The following LAMA3 variants were observed in gnomAD, a reference collection of about 807,000 sequenced individuals.
LAMA3 encodes laminin subunit alpha 3.
Under a neutral mutation model 402.0 loss-of-function variants are expected in LAMA3, and 281 were observed. That is an observed-to-expected ratio of 0.70 (90% CI 0.63 to 0.77). The LOEUF (loss-of-function observed/expected upper bound fraction) is 0.77. Ranked by LOEUF, LAMA3 falls within the 30% of genes least tolerant of loss-of-function variation. The probability of loss-of-function intolerance (pLI) is 0.00; values close to 1 mark genes in which losing one functional copy is unlikely to be tolerated. For synonymous variants in LAMA3, 1,431 were observed against 1,558.4 expected (o/e 0.92, Z 1.93); for missense variants, 3,840 against 4,215.5 (o/e 0.91, Z 2.47).
At chr18:23,880,953 C>A (rs2064876208) in intron 39 of LAMA3, among the ~76,000 whole-genome samples, 1 of 152,164 alleles carries the variant, frequency 6.6e-6, no homozygotes, top group Non-Finnish European at 1.5e-5. Context: ...AACACCTCTG[C>A]ATACAGAAGT....
chr18:23,698,223 T>G (rs1222135015), intron 1 of LAMA3, among the ~76,000 whole-genome samples: 1 of 147,610 alleles, frequency 6.8e-6, no homozygotes, highest in East Asian at 2.0e-4. Context: ...TTTTTTTTTT[T>G]TGAGACGGAG....
intron 39 of LAMA3, among the ~76,000 whole-genome samples, chr18:23,880,420 A>G (rs1263412092): frequency 6.6e-6 from 1 of 152,176 alleles, no homozygotes; most frequent in Non-Finnish European, 1.5e-5. Context: ...GTTTTGTGTA[A>G]TTTTCAGTTA....
chr18:23,770,195 A>G (rs2062164475), intron 8 of LAMA3, among the ~76,000 whole-genome samples: 1 of 152,118 alleles, frequency 6.6e-6, no homozygotes, highest in South Asian at 2.1e-4. Context: ...ACTAGACAAA[A>G]ACATCAACAA....
rs762861196 is a variant in LAMA3, at chr18:23,928,138, G to A, written c.8193G>A (p.Thr2731=). ...TCGTAATCAGATTTAACATTTCTAC[G>A]CCTGCTTTCCGAGGCTGCATGAAAA... ...IAIRERFNIS[T]PAFRGCMKNL... The change falls in exon 63 of 75, where the codon ACG becomes ACA. Residue 2731 remains threonine (T), a synonymous_variant. Coordinates refer to ENST00000313654, the MANE Select transcript of LAMA3 (RefSeq NM_198129.4). The A allele has an allele frequency of 9.3e-6, 15 of 1,612,304 alleles. No homozygotes were observed. The highest frequency in any genetic ancestry group is 3.3e-5 in the South Asian group (3 of 91,036).
intron 1 of LAMA3, among the ~76,000 whole-genome samples, chr18:23,698,406 C>T (rs1255359301): frequency 6.6e-6 from 1 of 152,050 alleles, no homozygotes; most frequent in Non-Finnish European, 1.5e-5. Flanking sequence ...GGGGTTTCAC[C>T]GTGTTAGACA....
At chr18:23,837,792 T>C (rs1027890743) in intron 25 of LAMA3, among the ~76,000 whole-genome samples, 4 of 151,902 alleles carry the variant, frequency 2.6e-5, no homozygotes, top group Non-Finnish European at 4.4e-5. Flanking sequence ...CTGTTACTGC[T>C]GATACTACGC....
intron 12 of LAMA3, among the ~76,000 whole-genome samples, chr18:23,809,141 T>G (rs1341690636): frequency 2.0e-5 from 3 of 152,200 alleles, no homozygotes; most frequent in Admixed American, 6.5e-5. Context: ...TCCTGAGCAT[T>G]TCGGCTGTGC....
chr18:23,871,823 A>T (rs1044850430), intron 38 of LAMA3, among the ~76,000 whole-genome samples, 162 bp downstream of exon 38: 4 of 152,238 alleles, frequency 2.6e-5, no homozygotes, highest in Non-Finnish European at 5.9e-5. Flanking sequence ...CCCTTCAGGA[A>T]TTAAGTGTGA....
chr18:23,934,048 G>A, intron 67 of LAMA3, 113 bp downstream of exon 67: 3 of 985,608 alleles, frequency 3.0e-6, no homozygotes, highest in Non-Finnish European at 3.2e-6. Flanking sequence ...CATAAAGTGG[G>A]ATTGATGCAT....
chr18:23,941,022 A>G (rs1599155574), intron 68 of LAMA3, among the ~76,000 whole-genome samples: 1 of 141,576 alleles, frequency 7.1e-6, no homozygotes, highest in Admixed American at 7.3e-5. Flanking sequence ...TGCAACTTCC[A>G]CCTCCTGGGT....
chr18:23,945,285 G>T (rs560614353), intron 69 of LAMA3, among the ~76,000 whole-genome samples: 1 of 152,240 alleles, frequency 6.6e-6, no homozygotes, highest in Non-Finnish European at 1.5e-5. Context: ...GGGGAGGTCG[G>T]GAGAAGTGAC....
chr18:23,795,770 G>A (rs751042456), intron 12 of LAMA3, among the ~76,000 whole-genome samples: 6 of 151,204 alleles, frequency 4.0e-5, no homozygotes, highest in Admixed American at 2.0e-4. Context: ...TATTGGCTTC[G>A]TTCTTAGGCC....
At chr18:23,787,583 A>G (rs1395532582) in intron 12 of LAMA3, among the ~76,000 whole-genome samples, 2 of 152,236 alleles carry the variant, frequency 1.3e-5, no homozygotes, top group Non-Finnish European at 2.9e-5. Context: ...AGGAAAAAAA[A>G]GACTCATTAT....
intron 12 of LAMA3, among the ~76,000 whole-genome samples, chr18:23,808,039 G>A (rs17259445): frequency 0.057 from 8,615 of 152,198 alleles, 538 homozygotes; most frequent in Admixed American, 0.18. Context: ...CATTAGACAC[G>A]CTTTATATGG....
rs767787325 is a variant in LAMA3, at chr18:23,775,869, G to A, written c.1351G>A (p.Gly451Arg). 10 of 1,613,914 alleles carry A rather than the reference G, an allele frequency of 6.2e-6. No individual in the cohort carries two copies. Among genetic ancestry groups the A allele is most frequent in the Admixed American group, 5.0e-5 (3 of 59,986 alleles). The stretch of plus-strand genomic sequence containing the variant: ...CTGTCACTGCAAGCCAAATTTCCAC[G>A]GAGACAACTGTGAGAAGTGTGCAAT... Reference protein sequence around the residue: ...GRCHCKPNFHGDNCEKCAIGY... With the variant: ...GRCHCKPNFHRDNCEKCAIGY... Residue 451 changes from glycine (G) to arginine (R), a missense_variant, in exon 10 of 75, where the codon GGA (glycine) becomes AGA (arginine). This residue lies in a region of LAMA3 where 2,109 missense variants were observed against 2,376.0 expected (regional missense o/e 0.89). Transcript: ENST00000313654.
chr18:23,789,294 A>G (rs1400613611), intron 12 of LAMA3, among the ~76,000 whole-genome samples: 2 of 152,196 alleles, frequency 1.3e-5, no homozygotes, highest in Non-Finnish European at 2.9e-5. Flanking sequence ...TAAAGTTACC[A>G]TGCTACCCAA....
chr18:23,773,956 C>T (rs931036328), intron 9 of LAMA3, among the ~76,000 whole-genome samples: 18 of 152,168 alleles, frequency 1.2e-4, no homozygotes, highest in Admixed American at 1.2e-3. Flanking sequence ...GGCAGTGGCT[C>T]AGGCCTGTAA....
chr18:23,752,311 AT>A (rs1039455595), intron 5 of LAMA3, among the ~76,000 whole-genome samples: 7 of 149,808 alleles, frequency 4.7e-5, no homozygotes, highest in Admixed American at 1.3e-4. Context: ...TACCCTACCA[AT>A]TTTTTTTTTC....
chr18:23,812,927 G>A, intron 13 of LAMA3, 130 bp from the exon 14 acceptor site: 1 of 687,666 alleles, frequency 1.5e-6, no homozygotes, highest in Admixed American at 2.2e-5. Context: ...TGCAGACTTT[G>A]CCACACATCT....
Sources: allele counts gnomAD v4.1 joint callset (sites outside exome capture counted in the v4.1 genomes callset), GRCh38; gene constraint gnomAD v4.1.1; regional missense constraint gnomAD v4.1.1; transcripts MANE v1.5; gene names NCBI Gene and HGNC (gene_info 2026-07-23, HGNC 2026-07-21).